Variants in PFKFB4 observed in about 807,000 individuals in gnomAD.
PFKFB4 encodes the protein 6-phosphofructo-2-kinase/fructose-2,6-bisphosphatase 4.
A neutral mutation model predicts 62.8 loss-of-function variants in PFKFB4; 42 were observed. The observed-to-expected ratio is 0.67, with a 90% CI of 0.52 to 0.86. The LOEUF (loss-of-function observed/expected upper bound fraction) is 0.86, where lower values mean the gene tolerates loss of function less well. Ranked by LOEUF, PFKFB4 falls within the 40% of genes least tolerant of loss-of-function variation. The pLI is 0.00. For synonymous variants in PFKFB4, 204 were observed against 240.7 expected, an observed-to-expected ratio of 0.85 and a Z score of 1.41; for missense variants, 475 against 627.2, an observed-to-expected ratio of 0.76 and a Z score of 2.59.
upstream of PFKFB4, chr3:48,562,864 C>T: frequency 6.3e-7 from 1 of 1,595,574 alleles, no homozygotes; most frequent in Non-Finnish European, 8.5e-7. This position sits in a 1 kb window ranked among gnomAD's most constrained non-coding sequence, Gnocchi z 4.3. Context: ...GGGCTTGCTC[C>T]AGTAAGATCT....
chr3:48,531,859 A>G (rs903123676), intron 9 of PFKFB4, among the ~76,000 whole-genome samples: 1 of 152,172 alleles, frequency 6.6e-6, no homozygotes, highest in African/African-American at 2.4e-5. Context: ...ATGCAATACC[A>G]CACCCATTAG....
In PFKFB4 at chr3:48,536,565, CA is replaced by C. The variant is rs1269516367; in HGVS notation, c.633-103del. The C allele has an allele frequency of 5.8e-6, 5 of 856,014 alleles. No individual in the cohort carries two copies. In the Admixed American group the frequency reaches 1.1e-4, roughly 18 times the overall value. The allele number at this position is 856,014 out of a possible 1,614,324, so 53.0% of individuals were successfully genotyped here. ...ATCTAGCTGCGAGGCCTTGCACTTC[CA>C]ACCACCAGAGATTACAACCCTCAGG... is the stretch of plus-strand genomic sequence containing the variant. On this transcript the variant is annotated intron_variant, in intron 7 of 13. Coordinates refer to ENST00000232375, the MANE Select transcript of PFKFB4 (RefSeq NM_004567.4).
chr3:48,547,398 TA>T (rs1413057369), intron 3 of PFKFB4, among the ~76,000 whole-genome samples: 1 of 152,088 alleles, frequency 6.6e-6, no homozygotes, highest in Non-Finnish European at 1.5e-5. Flanking sequence ...TGTGTGTGCA[TA>T]GGGGGCTTGT....
chr3:48,522,002 T>A lies in PFKFB4; in HGVS notation c.1334A>T (p.His445Leu), dbSNP rs1322609506. Residue 445 changes from histidine to leucine, a missense_variant, in exon 13 of 14, where the codon CAC (histidine) becomes CTC (leucine). Transcript: ENST00000232375. The stretch of plus-strand genomic sequence containing the variant: ...CATTGCTACCTGAGGCCTGTCCCGG[T>A]GCGTGTTCACAGCAGCCACGTTCAG... ...IFLNVAAVNTHRDRPQNVDIS... is the reference protein window; with the variant it reads ...IFLNVAAVNTLRDRPQNVDIS... 6.2e-7 allele frequency: 1 copy of A among 1,613,994 alleles called. No individual in the cohort carries two copies. Among genetic ancestry groups the A allele is most frequent in the Non-Finnish European group, 8.5e-7 (1 of 1,179,990 alleles).
chr3:48,539,165 G>A (rs1400789576), intron 6 of PFKFB4, 89 bp downstream of exon 6: 1 of 982,842 alleles, frequency 1.0e-6, no homozygotes, highest in African/African-American at 1.6e-5. Flanking sequence ...CCCCCACAAG[G>A]TTCAAGATCA....
At chr3:48,536,882 C>T (rs889756434) in intron 7 of PFKFB4, 13 of 175,206 alleles carry the variant, frequency 7.4e-5, no homozygotes, top group East Asian at 1.6e-4. Flanking sequence ...AGCTGGCAAA[C>T]GCTCCACGCC....
chr3:48,537,928 C>T lies in PFKFB4; in HGVS notation c.632+570G>A, dbSNP rs534201703. Among the ~76,000 whole-genome samples, 15 of 152,292 alleles carry T rather than the reference C, an allele frequency of 9.8e-5. No homozygotes were observed. In the South Asian group the frequency reaches 2.5e-3, roughly 25 times the overall value. ...ATTTTCCCATGTCTCTCCACAATGACGAGTTGTAATGATGACTGTAATACT... is the reference window on the plus strand; with the variant it reads ...ATTTTCCCATGTCTCTCCACAATGATGAGTTGTAATGATGACTGTAATACT... On this transcript the variant is annotated intron_variant, in intron 7 of 13. Coordinates refer to ENST00000232375, the MANE Select transcript of PFKFB4 (RefSeq NM_004567.4).
At chr3:48,526,446 G>A (rs191298774) in intron 9 of PFKFB4, among the ~76,000 whole-genome samples, 16 of 151,600 alleles carry the variant, frequency 1.1e-4, no homozygotes, top group East Asian at 2.0e-4. Context: ...GGTGGCGCAC[G>A]CCTGTAGTCC....
At chr3:48,525,165 A>T (rs2042218399) in intron 10 of PFKFB4, among the ~76,000 whole-genome samples, 1 of 152,098 alleles carries the variant, frequency 6.6e-6, no homozygotes, top group Admixed American at 6.5e-5. Context: ...ACTCGCTGGG[A>T]AAGGAGCTGG....
chr3:48,549,537 G>A (rs1245803855), intron 3 of PFKFB4, among the ~76,000 whole-genome samples: 4 of 152,082 alleles, frequency 2.6e-5, no homozygotes, highest in Non-Finnish European at 5.9e-5. Flanking sequence ...TTACCTCCCT[G>A]AAGCTCTGTC....
chr3:48,549,821 TC>T (rs1290282038), intron 3 of PFKFB4, 42 bp downstream of exon 3: 1 of 1,201,962 alleles, frequency 8.3e-7, no homozygotes, highest in Non-Finnish European at 1.2e-6. Context: ...CCACACTGGG[TC>T]CCCCAGCAAC....
chr3:48,562,670 G>A (rs1460187379), upstream of PFKFB4: 4 of 1,004,928 alleles, frequency 4.0e-6, no homozygotes, highest in Non-Finnish European at 5.7e-6. The surrounding 1 kb of genome is among the most constrained non-coding windows in gnomAD (Gnocchi z 4.3). Flanking sequence ...ATGCCCAGAT[G>A]TGGCAGCGTC....
intron 9 of PFKFB4, among the ~76,000 whole-genome samples, chr3:48,528,266 A>C (rs755751880): frequency 6.6e-5 from 10 of 152,174 alleles, no homozygotes; most frequent in Non-Finnish European, 1.2e-4. Flanking sequence ...TGAGATGGCG[A>C]AACAGTGTGG....
Position 48,556,102 on chromosome 3 carries a change from A to T in PFKFB4, c.97+579T>A, listed in dbSNP as rs549848480. 2 of 456,658 alleles carry T rather than the reference A, an allele frequency of 4.4e-6. No homozygotes were observed. Among genetic ancestry groups the T allele is most frequent in the Non-Finnish European group, 4.4e-6 (1 of 227,008 alleles). The allele number at this position is 456,658 out of a possible 1,614,324, so 28.3% of individuals were successfully genotyped here. ...GATACTTACATGTCCCGGGACACAG[A>T]CACAGGCCCACACGGCATACTTTTC... On this transcript the variant is annotated intron_variant, in intron 1 of 13. Transcript: ENST00000232375. This position sits in a 1 kb window ranked among gnomAD's most constrained non-coding sequence, Gnocchi z 5.7.
In PFKFB4 at chr3:48,521,281, A is replaced by C. The variant is rs1443808687; in HGVS notation, c.1350+705T>G. Among the ~76,000 whole-genome samples, 2 of 152,198 alleles carry C rather than the reference A, an allele frequency of 1.3e-5. No individual in the cohort carries two copies. The highest frequency in any genetic ancestry group is 6.5e-5 in the Admixed American group (1 of 15,282). ...TCCAGGAACTGGGACCGGGGCTCCC[A>C]GAAGTGTAGGTCCTATCCTTGGCCC... On this transcript the variant is annotated intron_variant, in intron 13 of 13. Transcript: ENST00000232375. This position sits in a 1 kb window ranked among gnomAD's most constrained non-coding sequence, Gnocchi z 5.3.
At position 48,532,345 on chromosome 3, in the gene PFKFB4, G is replaced by T. The variant is rs532315847; in HGVS notation, c.987+3167C>A. Among the ~76,000 whole-genome samples the T allele has an allele frequency of 4.6e-5, 7 of 152,162 alleles. No individual in the cohort carries two copies. In the South Asian group the frequency reaches 1.5e-3, roughly 32 times the overall value. On this transcript the variant is annotated intron_variant, in intron 9 of 13. Coordinates refer to ENST00000232375, the MANE Select transcript of PFKFB4 (RefSeq NM_004567.4). The stretch of plus-strand genomic sequence containing the variant: ...AATAAATAAATAAATAATAAAAACA[G>T]AATTACCATAGGATCTGGCAATTCC...
chr3:48,519,372 T>C lies in PFKFB4; in HGVS notation c.*375A>G, dbSNP rs559825710. 824 of 188,540 alleles carry C rather than the reference T, an allele frequency of 4.4e-3. 12 individuals are homozygous for C. The highest frequency in any genetic ancestry group is 5.5e-3 in the Non-Finnish European group (493 of 90,260). 11.7% of individuals were successfully genotyped at this position (188,540 alleles called of 1,614,324 possible). Reference sequence around the variant, plus strand: ...TCCATGCTGGGCAGCTGGGCCACAGTAGGAACATCACAGCAAGCACTTTCC... The same window carrying C: ...TCCATGCTGGGCAGCTGGGCCACAGCAGGAACATCACAGCAAGCACTTTCC... On this transcript the variant is annotated 3_prime_UTR_variant, in exon 14 of 14. Transcript: ENST00000232375.
chr3:48,549,911 A>G lies in PFKFB4; in HGVS notation c.264T>C (p.Ser88=). Residue 88 remains serine (S), a synonymous_variant, in exon 3 of 14, where the codon TCT becomes TCC. Coordinates refer to ENST00000232375, the MANE Select transcript of PFKFB4 (RefSeq NM_004567.4). ...YRRDVVKTYK[S]FEFFLPDNEE... The stretch of plus-strand genomic sequence containing the variant: ...CATTGTCGGGGAGAAAAAATTCAAA[A>G]GATTTGTAGGTCTTGACCACGTCCC... 1 of 1,613,868 alleles carries G rather than the reference A, an allele frequency of 6.2e-7. No individual in the cohort carries two copies. The highest frequency in any genetic ancestry group is 8.5e-7 in the Non-Finnish European group (1 of 1,179,718).
chr3:48,523,315 T>G (rs1575352765), intron 12 of PFKFB4, among the ~76,000 whole-genome samples: 1 of 150,116 alleles, frequency 6.7e-6, no homozygotes, highest in African/African-American at 2.5e-5. Context: ...ACCCGGGAGG[T>G]GGAGGTTGTA....
Sources: gnomAD v4.1 joint callset for allele counts (sites outside exome capture counted in the v4.1 genomes callset) on GRCh38, gnomAD v4.1.1 for gene constraint, Gnocchi (gnomAD v3.1) non-coding constraint, MANE v1.5 for transcripts, NCBI Gene and HGNC (gene_info 2026-07-23, HGNC 2026-07-21) for gene names.